The following TNFSF13B variants were observed in gnomAD, a reference collection of about 807,000 sequenced individuals.
TNFSF13B encodes the protein TNF superfamily member 13b.
A neutral mutation model predicts 29.1 loss-of-function variants in TNFSF13B; 8 were observed. The observed-to-expected ratio is 0.27, with a 90% CI of 0.16 to 0.50. The LOEUF (loss-of-function observed/expected upper bound fraction) is 0.50. Among genes scored for constraint, TNFSF13B ranks in the 20% least tolerant of loss-of-function variants. The pLI, the probability that TNFSF13B is intolerant of heterozygous loss-of-function variation, is 0.98. For synonymous variants in TNFSF13B, 125 were observed against 130.8 expected, an observed-to-expected ratio of 0.96 and a Z score of 0.30; for missense variants, 248 against 334.9, an observed-to-expected ratio of 0.74 and a Z score of 2.03.
chr13:108,292,191 T>C (rs1048562060), intron 3 of TNFSF13B, among the ~76,000 whole-genome samples: 1 of 152,098 alleles, frequency 6.6e-6, no homozygotes, highest in Non-Finnish European at 1.5e-5. Flanking sequence ...TGGATTCACC[T>C]ATTTTAGATG....
intron 3 of TNFSF13B, among the ~76,000 whole-genome samples, chr13:108,288,190 C>T (rs894423660): frequency 6.6e-6 from 1 of 152,138 alleles, no homozygotes; most frequent in African/African-American, 2.4e-5. Context: ...TATAAGATAA[C>T]TAGTGAACAA....
intron 2 of TNFSF13B, among the ~76,000 whole-genome samples, chr13:108,279,306 T>C (rs1437351794): frequency 6.6e-6 from 1 of 152,168 alleles, no homozygotes; most frequent in East Asian, 1.9e-4. Context: ...ACAGAAACAA[T>C]TGCGTGTATA....
In TNFSF13B at chr13:108,272,812, C is replaced by G. The variant is rs188788752; in HGVS notation, c.424+2388C>G. 2.3e-3 allele frequency among the ~76,000 whole-genome samples: 352 copies of G among 151,764 alleles called. 5 individuals are homozygous for G. The highest frequency in any genetic ancestry group is 8.3e-3 in the African/African-American group (342 of 41,416). On this transcript the variant is annotated intron_variant, in intron 2 of 5. Coordinates refer to ENST00000375887, the MANE Select transcript of TNFSF13B (RefSeq NM_006573.5). ...TCTCCTTAACCTTCACTGCTAATAT[C>G]CCCGTTTCTAAATATTAGTTTTAAA...
chr13:108,278,678 CTCCTT>C, intron 2 of TNFSF13B, among the ~76,000 whole-genome samples: 1 of 13,778 alleles, frequency 7.3e-5, no homozygotes, highest in Non-Finnish European at 1.8e-4. Flanking sequence ...TCCTCCTCTC[CTCCTT>C]TCCTCCTCCT....
chr13:108,304,539 G>C (rs924739390), intron 5 of TNFSF13B, among the ~76,000 whole-genome samples: 1 of 152,092 alleles, frequency 6.6e-6, no homozygotes, highest in Admixed American at 6.6e-5. Flanking sequence ...TTTTTCAAGG[G>C]TGATTTAAAA....
intron 3 of TNFSF13B, among the ~76,000 whole-genome samples, chr13:108,298,846 C>T (rs371402996): frequency 6.9e-6 from 1 of 145,458 alleles, no homozygotes; most frequent in East Asian, 1.9e-4. Flanking sequence ...TGGCACTTGC[C>T]TGTAGTCGCA....
intron 3 of TNFSF13B, 109 bp from the exon 4 acceptor site, chr13:108,303,144 T>G: frequency 1.3e-6 from 1 of 762,744 alleles, no homozygotes; most frequent in East Asian, 2.7e-5. Context: ...TTTCTTTTTT[T>G]TTTAGGATGG....
chr13:108,294,445 G>A (rs1881411388), intron 3 of TNFSF13B, among the ~76,000 whole-genome samples: 1 of 152,008 alleles, frequency 6.6e-6, no homozygotes, highest in Non-Finnish European at 1.5e-5. Flanking sequence ...CTCCCAAAGT[G>A]TTAGTATTAC....
intron 2 of TNFSF13B, among the ~76,000 whole-genome samples, chr13:108,281,095 A>G (rs1165587858): frequency 6.6e-6 from 1 of 152,056 alleles, no homozygotes; most frequent in East Asian, 1.9e-4. Flanking sequence ...AAAAATACAA[A>G]ATTAGCCAGG....
chr13:108,283,580 A>G lies in TNFSF13B; in HGVS notation c.425-3223A>G, dbSNP rs182119609. 1.7e-4 allele frequency among the ~76,000 whole-genome samples: 26 copies of G among 152,326 alleles called. 2 individuals carry two copies. The East Asian group carries it at 2.3e-3, about 14-fold the overall frequency. ...GGAGACATATTCATGGTGTCAAGTC[A>G]TTACTTATTAGGTAAACTTCTCTCT... On this transcript the variant is annotated intron_variant, in intron 2 of 5. Transcript: ENST00000375887.
At chr13:108,284,252 G>A (rs557200625) in intron 2 of TNFSF13B, among the ~76,000 whole-genome samples, 17 of 152,178 alleles carry the variant, frequency 1.1e-4, no homozygotes, top group Middle Eastern at 3.4e-3. Context: ...TGGCGTGAGC[G>A]CGGGAGGCGG....
At chr13:108,290,613 AT>A (rs957714090) in intron 3 of TNFSF13B, among the ~76,000 whole-genome samples, 2 of 151,346 alleles carry the variant, frequency 1.3e-5, no homozygotes, top group African/African-American at 4.9e-5. Context: ...ATCTGTTCAT[AT>A]TTTTTTCCAT....
chr13:108,273,507 T>C (rs1381123647), intron 2 of TNFSF13B, among the ~76,000 whole-genome samples: 2 of 152,200 alleles, frequency 1.3e-5, no homozygotes, highest in African/African-American at 2.4e-5. Context: ...AACATAAACA[T>C]GCAGTATTAA....
chr13:108,270,256 G>T (rs779621094), intron 1 of TNFSF13B, 22 bp downstream of exon 1: 8 of 1,610,636 alleles, frequency 5.0e-6, no homozygotes, highest in Non-Finnish European at 5.9e-6. Context: ...GCAGCTGCAA[G>T]ACGCAGGCAA....
At chr13:108,295,043 C>T (rs1481443210) in intron 3 of TNFSF13B, among the ~76,000 whole-genome samples, 1 of 145,216 alleles carries the variant, frequency 6.9e-6, no homozygotes, top group East Asian at 1.9e-4. Context: ...TCCAATGGGC[C>T]ATTAATAATA....
chr13:108,271,444 TCACACACACA>T (rs59438208), intron 2 of TNFSF13B, among the ~76,000 whole-genome samples: 6,856 of 142,930 alleles, frequency 0.048, 192 homozygotes, highest in Middle Eastern at 0.11. Flanking sequence ...GACCCTTCTA[TCACACACACA>T]CACACACACA....
At chr13:108,306,546 T>C (rs1326757344) in intron 5 of TNFSF13B, among the ~76,000 whole-genome samples, 1 of 152,000 alleles carries the variant, frequency 6.6e-6, no homozygotes, top group African/African-American at 2.4e-5. Flanking sequence ...TTTACCTAAT[T>C]GTTTAAAAAG....
At position 108,270,380 on chromosome 13, in the gene TNFSF13B, A is replaced by T; in HGVS notation, c.380A>T (p.Gln127Leu). 6.2e-7 allele frequency: 1 copy of T among 1,614,156 alleles called. No individual in the cohort carries two copies. Among genetic ancestry groups the T allele is most frequent in the Non-Finnish European group, 8.5e-7 (1 of 1,179,984 alleles). ...PPAPGEGNSSQNSRNKRAVQG... is the reference protein window; with the variant it reads ...PPAPGEGNSSLNSRNKRAVQG... The stretch of plus-strand genomic sequence containing the variant: ...GCTCCAGGAGAAGGCAACTCCAGTC[A>T]GAACAGCAGAAATAAGCGTGCCGTT... Residue 127 changes from glutamine (Q) to leucine (L), a missense_variant, in exon 2 of 6, where the codon CAG becomes CTG. Gln to Leu is a moderately radical substitution (Grantham distance 113). Around this residue, in one of 2 missense-constraint regions of TNFSF13B, gnomAD observed 186 missense variants for 196.3 expected, o/e 0.95. Transcript: ENST00000375887.
chr13:108,289,392 T>C (rs1881239827), intron 3 of TNFSF13B, among the ~76,000 whole-genome samples: 2 of 151,936 alleles, frequency 1.3e-5, no homozygotes, highest in African/African-American at 4.8e-5. Context: ...AGTATATAAA[T>C]GTGAGTGTGC....
Sources: gnomAD v4.1 joint callset for allele counts (sites outside exome capture counted in the v4.1 genomes callset) on GRCh38, gnomAD v4.1.1 for gene constraint, gnomAD v4.1.1 regional missense constraint, MANE v1.5 for transcripts, NCBI Gene and HGNC (gene_info 2026-07-23, HGNC 2026-07-21) for gene names.